SCN1A: variants seen among roughly 807,000 people sequenced by gnomAD.
SCN1A encodes sodium channel protein type 1 subunit alpha.
SCN1A carries 13 observed loss-of-function variants against 193.7 expected under a neutral mutation model. That is an observed-to-expected ratio of 0.07 (90% CI 0.04 to 0.11). SCN1A has a LOEUF of 0.11. Ranked by LOEUF, SCN1A falls within the 10% of genes least tolerant of loss-of-function variation. The pLI, the probability that SCN1A is intolerant of heterozygous loss-of-function variation, is 1.00. For synonymous variants in SCN1A, 781 were observed against 843.6 expected (o/e 0.93, Z 1.29); for missense variants, 1,432 against 2,451.1 (o/e 0.58, Z 8.78).
At chr2:166,045,789 A>C (rs895174756) in intron 12 of SCN1A, among the ~76,000 whole-genome samples, 1 of 152,190 alleles carries the variant, frequency 6.6e-6, no homozygotes, top group Admixed American at 6.5e-5. Context: ...ATTGTCCAAT[A>C]CCCTCAAAAT....
At chr2:166,100,452 G>C (rs1473411272) in intron 2 of SCN1A, among the ~76,000 whole-genome samples, 3 of 151,452 alleles carry the variant, frequency 2.0e-5, no homozygotes. Flanking sequence ...CATAGGCATG[G>C]GCAAGGACCT....
chr2:166,040,529 T>A (rs1008641190), intron 16 of SCN1A, among the ~76,000 whole-genome samples: 8 of 152,282 alleles, frequency 5.3e-5, no homozygotes, highest in Non-Finnish European at 1.2e-4. Flanking sequence ...CCATCAAAAA[T>A]CCTAAACTTC....
At chr2:166,014,933 A>G (rs943836395) in intron 20 of SCN1A, among the ~76,000 whole-genome samples, 3 of 151,824 alleles carry the variant, frequency 2.0e-5, no homozygotes, top group Non-Finnish European at 4.4e-5. Context: ...AGTTTTGAAA[A>G]GGACATTAAG....
At chr2:166,003,382 T>G (rs1249404892) in intron 23 of SCN1A, among the ~76,000 whole-genome samples, 1 of 151,646 alleles carries the variant, frequency 6.6e-6, no homozygotes, top group Non-Finnish European at 1.5e-5. Flanking sequence ...GTTGTTTCAT[T>G]TACTGAGTTT....
chr2:166,031,368 T>G (rs887859558), intron 19 of SCN1A, among the ~76,000 whole-genome samples: 4 of 152,074 alleles, frequency 2.6e-5, no homozygotes, highest in Non-Finnish European at 4.4e-5. Flanking sequence ...CTCCTGTGAT[T>G]TACGCCCCCG....
intron 4 of SCN1A, among the ~76,000 whole-genome samples, chr2:166,066,241 A>G (rs866087274): frequency 6.6e-6 from 1 of 152,078 alleles, no homozygotes; most frequent in African/African-American, 2.4e-5. Flanking sequence ...GAGCTGAAAC[A>G]TTTTTCAGCC....
chr2:166,005,207 A>C (rs1289300491), intron 23 of SCN1A, among the ~76,000 whole-genome samples: 4 of 151,464 alleles, frequency 2.6e-5, no homozygotes, highest in Non-Finnish European at 5.9e-5. Flanking sequence ...CTTGAATATA[A>C]GAACATACCA....
rs923955331 is a variant in SCN1A at position 166,031,084 on chromosome 2, C to G, written c.3429+4964G>C. Among the ~76,000 whole-genome samples, 21 of 152,086 alleles carry G rather than the reference C, an allele frequency of 1.4e-4. 1 individual carries two copies. Among genetic ancestry groups the G allele is most frequent in the African/African-American group, 4.8e-4 (20 of 41,424 alleles). ...TTTTAAAAAACAATTCCTCAAATTA[C>G]TTGAATGTACTTTGAAGGTTGAAGT... On this transcript the variant is annotated intron_variant, in intron 19 of 28. Coordinates refer to ENST00000674923, the MANE Select transcript of SCN1A (RefSeq NM_001165963.4).
intron 8 of SCN1A, 49 bp downstream of exon 8, chr2:166,052,803 A>G: frequency 1.4e-6 from 2 of 1,397,278 alleles, no homozygotes; most frequent in Non-Finnish European, 2.0e-6. Context: ...GCAGAGAAGG[A>G]TGCTGAATCA....
rs1454723706 is a variant in SCN1A, at chr2:166,002,751, C to A, written c.4005G>T (p.Val1335=). 2 of 1,602,586 alleles carry A rather than the reference C, an allele frequency of 1.2e-6. No homozygotes were observed. Among genetic ancestry groups the A allele is most frequent in the Non-Finnish European group, 1.7e-6 (2 of 1,176,012 alleles). The change falls in exon 24 of 29, where the codon GTG becomes GTT. Residue 1335 remains valine, a splice_region_variant and synonymous_variant. Transcript: ENST00000674923. ...TTGCTCCTAAAAGGGCATTCACAAC[C>A]ACCTAATACACAAATGGAAAAAAAG... ...RALSRFEGMR[V]VVNALLGAIP...
intron 2 of SCN1A, among the ~76,000 whole-genome samples, chr2:166,117,179 CTCAG>C (rs1169827475): frequency 6.6e-6 from 1 of 152,134 alleles, no homozygotes; most frequent in Non-Finnish European, 1.5e-5. Context: ...CAATTTGTCT[CTCAG>C]TCATTTTTTC....
rs751750112 is a variant in SCN1A, at chr2:165,991,298, T to C, written c.5977A>G (p.Ile1993Val). 6 of 1,613,650 alleles carry C rather than the reference T, an allele frequency of 3.7e-6. No homozygotes were observed. The highest frequency in any genetic ancestry group is 1.1e-5 in the South Asian group (1 of 91,032). ...CCTTCTTGCTCATGTTTTTCCACAA[T>C]TGGCTTTGTCACCCGGTCATAGGAA... ...PPSYDRVTKP[I>V]VEKHEQEGKD... The change falls in exon 29 of 29, where the codon ATT (isoleucine) becomes GTT (valine). Residue 1993 changes from isoleucine to valine, a missense_variant. Ile to Val is a conservative substitution (Grantham distance 29). Transcript: ENST00000674923.
chr2:166,073,718 T>A, intron 3 of SCN1A, 48 bp from the exon 4 acceptor site: 1 of 1,279,710 alleles, frequency 7.8e-7, no homozygotes, highest in African/African-American at 1.5e-5. Flanking sequence ...CTAAGAGATG[T>A]TAATATAAAT....
At chr2:166,074,128 G>A (rs1238051858) in intron 3 of SCN1A, among the ~76,000 whole-genome samples, 1 of 152,172 alleles carries the variant, frequency 6.6e-6, no homozygotes, top group Non-Finnish European at 1.5e-5. Flanking sequence ...AAGATAGTCA[G>A]GATAGTTTGC....
At chr2:166,040,979 A>G (rs1697096754) in intron 16 of SCN1A, among the ~76,000 whole-genome samples, 2 of 152,230 alleles carry the variant, frequency 1.3e-5, no homozygotes, top group Non-Finnish European at 2.9e-5. Flanking sequence ...TGGATCCTGA[A>G]AAATTATAAA....
intron 22 of SCN1A, among the ~76,000 whole-genome samples, chr2:166,011,807 G>A (rs1043042740): frequency 4.6e-5 from 7 of 150,974 alleles, no homozygotes; most frequent in African/African-American, 1.7e-4. Flanking sequence ...AAGGATTTAA[G>A]CAACATACCT....
At chr2:166,044,978 A>C in intron 13 of SCN1A, 65 bp downstream of exon 13, 2 of 1,518,846 alleles carry the variant, frequency 1.3e-6, no homozygotes. Context: ...CCATTTTCTA[A>C]TTCTCCCCCT....
chr2:166,002,052 T>C (rs1690946426), intron 24 of SCN1A, among the ~76,000 whole-genome samples: 1 of 151,638 alleles, frequency 6.6e-6, no homozygotes, highest in African/African-American at 2.4e-5. Context: ...TACCAATTAA[T>C]TACAATCCAA....
At chr2:166,044,572 A>G (rs1420525960) in intron 13 of SCN1A, among the ~76,000 whole-genome samples, 1 of 152,184 alleles carries the variant, frequency 6.6e-6, no homozygotes, top group East Asian at 1.9e-4. Context: ...TACTTCTGAA[A>G]TTCAGAGTCA....
Sources: allele counts gnomAD v4.1 joint callset (sites outside exome capture counted in the v4.1 genomes callset), GRCh38; gene constraint gnomAD v4.1.1; transcripts MANE v1.5; gene names NCBI Gene and HGNC (gene_info 2026-07-23, HGNC 2026-07-21).